The following PSG5 variants were observed in gnomAD, a reference collection of about 807,000 sequenced individuals.
PSG5 encodes the protein pregnancy-specific beta-1-glycoprotein 5.
PSG5 carries 53 observed loss-of-function variants against 37.7 expected under a neutral mutation model. The ratio of observed to expected loss-of-function variants is 1.41; its 90% CI spans 1.13 to 1.77. The LOEUF is 1.77. PSG5 is among the 40% of genes most tolerant of loss of function. The pLI is 0.00. For synonymous variants in PSG5, 221 were observed against 155.4 expected (o/e 1.42, Z -3.14); for missense variants, 547 against 405.2 (o/e 1.35, Z -3.00).
chr19:43,178,929 C>T (rs377670334), intron 2 of PSG5: 54 of 1,612,810 alleles, frequency 3.3e-5, no homozygotes, highest in South Asian at 9.9e-5. Flanking sequence ...CACTGGGTTC[C>T]GTATTTCACA....
rs758990579 is a variant in PSG5, at chr19:43,184,930, T to C, written c.282A>G (p.Ala94=). The change falls in exon 2 of 6, where the codon GCA becomes GCG. Residue 94 remains alanine, a synonymous_variant. Transcript: ENST00000342951. ...VDGQINIYGP[A]YTGRETVYSN... Reference sequence around the variant, plus strand: ...AATATACTGTTTCTCGTCCAGTGTATGCAGGCCCATATATATTTATTTGAC... The same window carrying C: ...AATATACTGTTTCTCGTCCAGTGTACGCAGGCCCATATATATTTATTTGAC... The C allele has an allele frequency of 5.0e-5, 81 of 1,612,504 alleles. 1 individual carries two copies. In the East Asian group the frequency reaches 1.8e-3, roughly 35 times the overall value.
intron 4 of PSG5, among the ~76,000 whole-genome samples, chr19:43,173,381 A>T (rs1262643618): frequency 6.6e-6 from 1 of 151,762 alleles, no homozygotes; most frequent in Non-Finnish European, 1.5e-5. Flanking sequence ...AAAACCTTTT[A>T]TATATCAAAG....
At chr19:43,181,634 A>G (rs553897379) in intron 2 of PSG5, among the ~76,000 whole-genome samples, 1 of 151,666 alleles carries the variant, frequency 6.6e-6, no homozygotes, top group South Asian at 2.1e-4. Context: ...AATTTTTTGT[A>G]TTTTTAGTAG....
Position 43,170,114 on chromosome 19 carries a change from G to A in PSG5, c.989C>T (p.Pro330Leu), listed in dbSNP as rs1172315716. The change falls in exon 5 of 6, where the codon CCT (proline) becomes CTT (leucine). Residue 330 changes from proline to leucine, a missense_variant. Coordinates refer to ENST00000342951, the MANE Select transcript of PSG5 (RefSeq NM_002781.4). ...VSAPSGIGRL[P>L]LLNPI The stretch of plus-strand genomic sequence containing the variant: ...CGGCTGCTATATTGGATTAAGGAGA[G>A]GAAGACGTCCTATTCCTGAAGGAGC... 2 of 1,589,268 alleles carry A rather than the reference G, an allele frequency of 1.3e-6. No individual in the cohort carries two copies. The highest frequency in any genetic ancestry group is 2.7e-5 in the African/African-American group (2 of 73,782).
At chr19:43,169,908 G>A (rs1310369032) in intron 5 of PSG5, 147 bp downstream of exon 5, 1 of 507,550 alleles carries the variant, frequency 2.0e-6, no homozygotes, top group East Asian at 4.2e-5. Context: ...GGGAGAAAGG[G>A]AACTGCAGGA....
intron 2 of PSG5, chr19:43,178,758 G>C: frequency 1.2e-6 from 2 of 1,601,772 alleles, no homozygotes; most frequent in Non-Finnish European, 1.7e-6. Flanking sequence ...GTCATGGCCA[G>C]CTTTGATGTC....
intron 2 of PSG5, among the ~76,000 whole-genome samples, chr19:43,184,070 A>G (rs989323343): frequency 6.6e-6 from 1 of 151,738 alleles, no homozygotes; most frequent in South Asian, 2.1e-4. Context: ...GCTACCAGGT[A>G]CATCTTCTCC....
At position 43,179,286 on chromosome 19, in the gene PSG5, G is replaced by A. The variant is rs535266912; in HGVS notation, c.431-3138C>T. On this transcript the variant is annotated intron_variant, in intron 2 of 5. Transcript: ENST00000342951. ...GTCCTTAAAAGCCCATGGCAGGTGT[G>A]TGTGTTACAAGACAGATGCATGGCA... is the stretch of plus-strand genomic sequence containing the variant. The A allele has an allele frequency of 8.0e-4, 1,027 of 1,288,156 alleles. 32 individuals carry two copies. In the African/African-American group the frequency reaches 0.014, roughly 18 times the overall value. The allele number at this position is 1,288,156 out of a possible 1,614,324, so 79.8% of individuals were successfully genotyped here.
intron 2 of PSG5, among the ~76,000 whole-genome samples, chr19:43,180,879 AG>A (rs1969113621): frequency 6.6e-6 from 1 of 151,620 alleles, no homozygotes; most frequent in African/African-American, 2.4e-5. Context: ...CCAAATTAAA[AG>A]AAGTGATGTG....
intron 2 of PSG5, among the ~76,000 whole-genome samples, chr19:43,182,173 A>G (rs1969141968): frequency 6.6e-6 from 1 of 151,684 alleles, no homozygotes; most frequent in Admixed American, 6.6e-5. Flanking sequence ...CATGAAACTA[A>G]CAACCTTACT....
intron 4 of PSG5, 129 bp from the exon 5 acceptor site, chr19:43,170,267 G>A (rs1050027723): frequency 2.2e-6 from 2 of 928,252 alleles, no homozygotes; most frequent in Admixed American, 5.3e-5. Context: ...TTCCTCTTGG[G>A]AAATTGATGG....
In PSG5 at chr19:43,179,307, T is replaced by G. The variant is rs573655503; in HGVS notation, c.431-3159A>C. 1.7e-5 allele frequency: 20 copies of G among 1,196,696 alleles called. No individual in the cohort carries two copies. In the African/African-American group the frequency reaches 1.9e-4, roughly 11 times the overall value. The allele number at this position is 1,196,696 out of a possible 1,614,324, so 74.1% of individuals were successfully genotyped here. ...GTGTGTGTGTTACAAGACAGATGCA[T>G]GGCAATCTGAGAGCTCAGAGATTGT... On this transcript the variant is annotated intron_variant, in intron 2 of 5. Coordinates refer to ENST00000342951, the MANE Select transcript of PSG5 (RefSeq NM_002781.4).
At chr19:43,177,572 C>T (rs1451458430) in intron 2 of PSG5, among the ~76,000 whole-genome samples, 2 of 151,120 alleles carry the variant, frequency 1.3e-5, no homozygotes, top group East Asian at 1.9e-4. Context: ...TCCACACTGG[C>T]CATTCTGCAC....
At chr19:43,174,952 T>A (rs1968974062) in intron 4 of PSG5, 1 of 1,338,990 alleles carries the variant, frequency 7.5e-7, no homozygotes, top group Non-Finnish European at 1.0e-6. Flanking sequence ...CTGTGAAGCC[T>A]CCTCTACCAC....
At position 43,184,924 on chromosome 19, in the gene PSG5, A is replaced by G; in HGVS notation, c.288T>C (p.Thr96=). ...GQINIYGPAY[T]GRETVYSNAS... is the part of the protein sequence containing the mutation. The stretch of plus-strand genomic sequence containing the variant: ...CATTGGAATATACTGTTTCTCGTCC[A>G]GTGTATGCAGGCCCATATATATTTA... The change falls in exon 2 of 6, where the codon ACT becomes ACC. Residue 96 remains threonine, a synonymous_variant. Coordinates refer to ENST00000342951, the MANE Select transcript of PSG5 (RefSeq NM_002781.4). 1 of 1,612,590 alleles carries G rather than the reference A, an allele frequency of 6.2e-7. No homozygotes were observed. Among genetic ancestry groups the G allele is most frequent in the Non-Finnish European group, 8.5e-7 (1 of 1,179,168 alleles).
chr19:43,180,208 G>A (rs534352424), intron 2 of PSG5: 1 of 151,740 alleles, frequency 6.6e-6, no homozygotes, highest in African/African-American at 2.4e-5. Context: ...GGGATCAGGG[G>A]AATAGGGTGT....
At chr19:43,184,436 G>A (rs893178351) in intron 2 of PSG5, among the ~76,000 whole-genome samples, 1 of 151,588 alleles carries the variant, frequency 6.6e-6, no homozygotes, top group African/African-American at 2.4e-5. Flanking sequence ...GTCTCAGGGG[G>A]CCCCTCAGGC....
chr19:43,179,048 C>T lies in PSG5; in HGVS notation c.431-2900G>A, dbSNP rs755040015. On this transcript the variant is annotated intron_variant, in intron 2 of 5. Transcript: ENST00000342951. ...TAGGGAGGCTCTGACCATTCATCCA[C>T]CACAGGTAGCTTGTGTCTGAAGCCG... 1.5e-5 allele frequency: 24 copies of T among 1,612,700 alleles called. No homozygotes were observed. The Admixed American group carries it at 1.5e-4, about 10-fold the overall frequency.
chr19:43,171,510 A>G (rs1968904505), intron 4 of PSG5: 7 of 267,938 alleles, frequency 2.6e-5, no homozygotes, highest in Non-Finnish European at 2.9e-5. Flanking sequence ...AATGAGGGAA[A>G]TAATAAGGAT....
Sources: allele counts gnomAD v4.1 joint callset (sites outside exome capture counted in the v4.1 genomes callset), GRCh38; gene constraint gnomAD v4.1.1; transcripts MANE v1.5; gene names NCBI Gene and HGNC (gene_info 2026-07-23, HGNC 2026-07-21).